The following TGM7 variants were observed in gnomAD, a reference collection of about 807,000 sequenced individuals.
The protein encoded by TGM7 is transglutaminase 7.
Under a neutral mutation model 79.5 loss-of-function variants are expected in TGM7, and 74 were observed. That is an observed-to-expected ratio of 0.93 (90% CI 0.77 to 1.13). The LOEUF is 1.13. Ranked by LOEUF, TGM7 falls within the 50% of genes most tolerant of loss-of-function variation. The pLI is 0.00. For synonymous variants in TGM7, 354 were observed against 362.5 expected, an observed-to-expected ratio of 0.98 and a Z score of 0.27; for missense variants, 912 against 905.9, an observed-to-expected ratio of 1.01 and a Z score of -0.09.
At chr15:43,280,425 A>T (rs1355680937) in intron 9 of TGM7, among the ~76,000 whole-genome samples, 6 of 152,158 alleles carry the variant, frequency 3.9e-5, no homozygotes, top group Non-Finnish European at 8.8e-5. Context: ...GGAGTTTGAG[A>T]CCAGACTGGC....
intron 1 of TGM7, among the ~76,000 whole-genome samples, chr15:43,296,105 AT>A (rs1166828678): frequency 1.3e-5 from 2 of 152,254 alleles, no homozygotes; most frequent in African/African-American, 4.8e-5. Context: ...TAGCTAGGTC[AT>A]GATATAAATC....
chr15:43,297,601 G>GAAAGAAAGAAAC (rs1255780629), intron 1 of TGM7, among the ~76,000 whole-genome samples: 2 of 147,546 alleles, frequency 1.4e-5, no homozygotes, highest in East Asian at 4.0e-4. Context: ...AAGAAAGAAA[G>GAAAGAAAGAAAC]AAAGAAAGAA....
intron 1 of TGM7, among the ~76,000 whole-genome samples, chr15:43,296,393 C>G (rs188956432): frequency 2.2e-4 from 33 of 147,562 alleles, no homozygotes; most frequent in Admixed American, 1.2e-3. Context: ...CCACTGCACT[C>G]CAGCCTGGGT....
At chr15:43,301,580 A>G (rs1448524764) in intron 1 of TGM7, among the ~76,000 whole-genome samples, 2 of 150,950 alleles carry the variant, frequency 1.3e-5, no homozygotes, top group Non-Finnish European at 3.0e-5. Flanking sequence ...CAGTGAGCCG[A>G]GATCGCGCCA....
chr15:43,296,971 G>A (rs1210965614), intron 1 of TGM7, among the ~76,000 whole-genome samples: 1 of 152,164 alleles, frequency 6.6e-6, no homozygotes, highest in African/African-American at 2.4e-5. Context: ...AAATCAAGCA[G>A]AATCAGTTAG....
intron 6 of TGM7, among the ~76,000 whole-genome samples, chr15:43,286,698 CAAGGGTGAGACAAG>C (rs1402934289): frequency 6.6e-6 from 1 of 152,238 alleles, no homozygotes; most frequent in Non-Finnish European, 1.5e-5. Context: ...TCTGGCCTTG[CAAGGGTGAGACAAG>C]TACTCTCCAT....
intron 10 of TGM7, 35 bp from the exon 11 acceptor site, chr15:43,279,312 C>A: frequency 6.2e-7 from 1 of 1,602,994 alleles, no homozygotes; most frequent in Non-Finnish European, 8.5e-7. Context: ...GAGTCCAGGA[C>A]ATGGACCAGA....
intron 4 of TGM7, among the ~76,000 whole-genome samples, chr15:43,291,070 G>A (rs1448238973): frequency 3.3e-5 from 5 of 152,120 alleles, no homozygotes; most frequent in Non-Finnish European, 7.3e-5. Context: ...TCTCCTGCCT[G>A]ATTGCCCTGG....
intron 3 of TGM7, 148 bp downstream of exon 3, chr15:43,292,561 A>G: frequency 9.9e-7 from 1 of 1,015,198 alleles, no homozygotes; most frequent in Non-Finnish European, 1.5e-6. Flanking sequence ...TGCCATTAGA[A>G]ATTCTTTGTA....
At position 43,293,650 on chromosome 15, in the gene TGM7, C is replaced by G. The variant is rs2042976771; in HGVS notation, c.11-19G>C. 6.3e-7 allele frequency: 1 copy of G among 1,576,694 alleles called. No homozygotes were observed. The highest frequency in any genetic ancestry group is 2.3e-5 in the East Asian group (1 of 44,130). ...GTTGCCACTAGGGGAGAGGAGGGGA[C>G]AGGTCACGCCCACCTGCAGTCCCCT... On this transcript the variant is annotated intron_variant, in intron 1 of 12. Coordinates refer to ENST00000452443, the MANE Select transcript of TGM7 (RefSeq NM_052955.3).
intron 4 of TGM7, among the ~76,000 whole-genome samples, chr15:43,288,653 T>A (rs1380992489): frequency 2.6e-5 from 4 of 151,970 alleles, no homozygotes; most frequent in African/African-American, 9.7e-5. Flanking sequence ...TAAAAAAAAA[T>A]TTGCCGGCAG....
chr15:43,301,445 C>T (rs1273808815), intron 1 of TGM7, among the ~76,000 whole-genome samples: 3 of 151,502 alleles, frequency 2.0e-5, no homozygotes, highest in Admixed American at 6.6e-5. Flanking sequence ...GCCTGGCCAA[C>T]ATGGCGAAAC....
chr15:43,278,093 C>G (rs2042887196), intron 11 of TGM7, among the ~76,000 whole-genome samples: 1 of 152,232 alleles, frequency 6.6e-6, no homozygotes, highest in African/African-American at 2.4e-5. Flanking sequence ...GACAGCCTGA[C>G]AGTGTGCCTG....
At position 43,279,676 on chromosome 15, in the gene TGM7, G is replaced by A; in HGVS notation, c.1627C>T (p.Gln543Ter). Residue 543 changes from glutamine (Q) to a stop codon, truncating the protein, a stop_gained, in exon 10 of 13, where the codon CAG (glutamine) becomes TAG (stop). Coordinates refer to ENST00000452443, the MANE Select transcript of TGM7 (RefSeq NM_052955.3). LOFTEE classifies it high-confidence loss of function. Reference protein sequence around the residue: ...AQALLHGGGTQKPFWRHTVRM... With the variant: ...AQALLHGGGT The stretch of plus-strand genomic sequence containing the variant: ...ACTGTGTGCCTCCAGAAGGGCTTCT[G>A]GGTACCACCCCCATGCAGCAGGGCC... 1 of 1,612,644 alleles carries A rather than the reference G, an allele frequency of 6.2e-7. No homozygotes were observed. Among genetic ancestry groups the A allele is most frequent in the Non-Finnish European group, 8.5e-7 (1 of 1,179,260 alleles).
chr15:43,292,305 A>G (rs1193862994), intron 3 of TGM7, among the ~76,000 whole-genome samples: 1 of 152,184 alleles, frequency 6.6e-6, no homozygotes, highest in Non-Finnish European at 1.5e-5. Context: ...TTAAAAACCA[A>G]CGATCTTTTC....
chr15:43,300,583 C>A (rs2043020789), intron 1 of TGM7, among the ~76,000 whole-genome samples: 3 of 152,142 alleles, frequency 2.0e-5, no homozygotes, highest in Admixed American at 6.5e-5. Context: ...GGGTGGATCA[C>A]GAGGTCAAGA....
In TGM7 at chr15:43,276,995, C is replaced by G; in HGVS notation, c.1840G>C (p.Val614Leu). The change falls in exon 12 of 13, where the codon GTG (valine) becomes CTG (leucine). Residue 614 changes from valine (V) to leucine (L), a missense_variant and splice_region_variant. By Grantham distance (32) the Val-to-Leu change is conservative (BLOSUM62 1). Coordinates refer to ENST00000452443, the MANE Select transcript of TGM7 (RefSeq NM_052955.3). ...CLEPPHLSIE[V>L]SERAEVGKAL... The stretch of plus-strand genomic sequence containing the variant: ...TTGCCCACCTCAGCCCTCTCAGACA[C>G]CTGTGTGGAGAGAAGTCAGCAATCC... 6.2e-7 allele frequency: 1 copy of G among 1,613,866 alleles called. No homozygotes were observed. Among genetic ancestry groups the G allele is most frequent in the Non-Finnish European group, 8.5e-7 (1 of 1,179,938 alleles).
rs577115366 is a variant in TGM7 at position 43,282,587 on chromosome 15, G to T, written c.1038C>A (p.Ile346=). 1.9e-6 allele frequency: 3 copies of T among 1,601,770 alleles called. No individual in the cohort carries two copies. The South Asian group carries it at 3.4e-5, about 18-fold the overall frequency. Reference sequence around the variant, plus strand: ...TGTATCCTGGTGGGAGATCTTTCCGGATCATCCAGCACTCATTCCAGACGT... The same window carrying T: ...TGTATCCTGGTGGGAGATCTTTCCGTATCATCCAGCACTCATTCCAGACGT... ...NFHVWNECWM[I]RKDLPPGYNG... The change falls in exon 8 of 13, where the codon ATC becomes ATA. Residue 346 remains isoleucine (I), a synonymous_variant. Coordinates refer to ENST00000452443, the MANE Select transcript of TGM7 (RefSeq NM_052955.3).
intron 4 of TGM7, among the ~76,000 whole-genome samples, chr15:43,290,022 T>C (rs1266893740): frequency 6.6e-6 from 1 of 152,208 alleles, no homozygotes; most frequent in Non-Finnish European, 1.5e-5. Context: ...GTTGCCTGCT[T>C]ACTCTGATGG....
Sources: allele counts gnomAD v4.1 joint callset (sites outside exome capture counted in the v4.1 genomes callset), GRCh38; gene constraint gnomAD v4.1.1; transcripts MANE v1.5; gene names NCBI Gene and HGNC (gene_info 2026-07-23, HGNC 2026-07-21).